NCOA3: variants seen among roughly 807,000 people sequenced by gnomAD.
NCOA3 encodes nuclear receptor coactivator 3.
A neutral mutation model predicts 158.8 loss-of-function variants in NCOA3; 51 were observed. The observed-to-expected ratio is 0.32, with a 90% CI of 0.26 to 0.41. NCOA3 has a LOEUF of 0.41. Among genes scored for constraint, NCOA3 ranks in the 10% least tolerant of loss-of-function variants. The probability of loss-of-function intolerance (pLI) is 1.00; values close to 1 mark genes in which losing one functional copy is unlikely to be tolerated. For synonymous variants in NCOA3, 537 were observed against 592.4 expected, an observed-to-expected ratio of 0.91 and a Z score of 1.36; for missense variants, 1,510 against 1,746.6, an observed-to-expected ratio of 0.86 and a Z score of 2.41.
rs551357693 is a variant in NCOA3 at position 47,599,600 on chromosome 20, A to G, written c.-20+16339A>G. ...TGTATGCAAAACTGCTAAGAACACT[A>G]TGATGTCATACAGAAATTTTATGGA... On this transcript the variant is annotated intron_variant, in intron 2 of 22. Transcript: ENST00000371998. Among the ~76,000 whole-genome samples the G allele has an allele frequency of 7.9e-5, 12 of 152,362 alleles. No individual in the cohort carries two copies. The South Asian group carries it at 8.3e-4, about 11-fold the overall frequency.
chr20:47,629,475 G>A (rs6012228), intron 8 of NCOA3, among the ~76,000 whole-genome samples: 18,861 of 151,788 alleles, frequency 0.12, 1,616 homozygotes, highest in African/African-American at 0.23. Context: ...AATTACAGGC[G>A]CCCATCACCA....
chr20:47,512,264 A>G (rs1180355445), intron 1 of NCOA3, among the ~76,000 whole-genome samples: 1 of 152,188 alleles, frequency 6.6e-6, no homozygotes, highest in Non-Finnish European at 1.5e-5. Flanking sequence ...GATAAAAACA[A>G]TCCAACTTAA....
chr20:47,570,939 T>TACACACACACACACACAC (rs71183265), intron 1 of NCOA3, among the ~76,000 whole-genome samples: 6 of 114,870 alleles, frequency 5.2e-5, no homozygotes, highest in African/African-American at 2.1e-4. Context: ...GTAATATATA[T>TACACACACACACACACAC]ACACACACAC....
chr20:47,532,999 G>A (rs886886303), intron 1 of NCOA3, among the ~76,000 whole-genome samples: 2 of 150,354 alleles, frequency 1.3e-5, no homozygotes, highest in Non-Finnish European at 1.5e-5. Flanking sequence ...CCAGCTACTC[G>A]GGAGGCTGAG....
intron 1 of NCOA3, among the ~76,000 whole-genome samples, chr20:47,527,951 T>A (rs182473575): frequency 6.6e-6 from 1 of 151,708 alleles, no homozygotes; most frequent in Non-Finnish European, 1.5e-5. Flanking sequence ...AAAATCAGGT[T>A]GCTTTTCTGT....
intron 1 of NCOA3, among the ~76,000 whole-genome samples, chr20:47,509,863 C>G (rs1343143230): frequency 2.0e-5 from 3 of 152,180 alleles, no homozygotes; most frequent in African/African-American, 7.2e-5. Context: ...CATCTATTTC[C>G]TTTTACTTGC....
chr20:47,566,182 C>T (rs1431280532), intron 1 of NCOA3, among the ~76,000 whole-genome samples: 1 of 152,108 alleles, frequency 6.6e-6, no homozygotes, highest in Non-Finnish European at 1.5e-5. Flanking sequence ...CTCGGCCTCC[C>T]AAAGTGCTAG....
chr20:47,519,995 C>G (rs1006723870), intron 1 of NCOA3, among the ~76,000 whole-genome samples: 1 of 138,926 alleles, frequency 7.2e-6, no homozygotes, highest in Non-Finnish European at 1.5e-5. Flanking sequence ...AACTCCTGAC[C>G]TTGTGATCCG....
intron 1 of NCOA3, among the ~76,000 whole-genome samples, chr20:47,575,465 G>A (rs1034408726): frequency 1.3e-5 from 2 of 152,052 alleles, no homozygotes; most frequent in Admixed American, 6.6e-5. Flanking sequence ...TTTTAATGTC[G>A]AATTAAGAAA....
chr20:47,609,004 C>G (rs983903719), intron 2 of NCOA3, among the ~76,000 whole-genome samples: 1 of 152,116 alleles, frequency 6.6e-6, no homozygotes, highest in Non-Finnish European at 1.5e-5. Context: ...AGAAACATAT[C>G]TACTATAGAG....
At chr20:47,527,874 A>G (rs2084481835) in intron 1 of NCOA3, among the ~76,000 whole-genome samples, 1 of 152,156 alleles carries the variant, frequency 6.6e-6, no homozygotes, top group African/African-American at 2.4e-5. Context: ...TCTTTGGTGA[A>G]GTGTCTGTTC....
In NCOA3 at chr20:47,639,053, A is replaced by C; in HGVS notation, c.2558A>C (p.Asn853Thr). Residue 853 changes from asparagine to threonine, a missense_variant, in exon 14 of 23, where the codon AAC becomes ACC. By Grantham distance (65) the Asn-to-Thr change is moderately conservative. Transcript: ENST00000371998. ...QSVQSIRPPYNRAVSLDSPVS... is the reference protein window; with the variant it reads ...QSVQSIRPPYTRAVSLDSPVS... The stretch of plus-strand genomic sequence containing the variant: ...GTGCAGTCTATTCGTCCTCCATATA[A>C]CCGAGCAGTGTCTCTGGATAGCCCT... 6.2e-7 allele frequency: 1 copy of C among 1,614,116 alleles called. No homozygotes were observed. Among genetic ancestry groups the C allele is most frequent in the Admixed American group, 1.7e-5 (1 of 60,016 alleles).
rs2086830765 is a variant in NCOA3, at chr20:47,653,514, A to G, written c.*97A>G. 1.4e-6 allele frequency: 2 copies of G among 1,407,726 alleles called. No individual in the cohort carries two copies. The highest frequency in any genetic ancestry group is 3.8e-5 in the Admixed American group (2 of 52,712). The allele number at this position is 1,407,726 out of a possible 1,614,324, so 87.2% of individuals were successfully genotyped here. On this transcript the variant is annotated 3_prime_UTR_variant, in exon 23 of 23. Coordinates refer to ENST00000371998, the MANE Select transcript of NCOA3 (RefSeq NM_181659.3). ...TCATTGTTCCAGGCATCCATCTTGG[A>G]AGAAAGGACCAGCTTTGAGCTCCAT...
chr20:47,550,554 A>T (rs562111472), intron 1 of NCOA3, among the ~76,000 whole-genome samples: 1 of 152,150 alleles, frequency 6.6e-6, no homozygotes, highest in African/African-American at 2.4e-5. Flanking sequence ...TTAACAAACG[A>T]CCTATTAGTT....
At chr20:47,572,463 G>A (rs1436917664) in intron 1 of NCOA3, among the ~76,000 whole-genome samples, 1 of 151,836 alleles carries the variant, frequency 6.6e-6, no homozygotes, top group Admixed American at 6.6e-5. Context: ...GCTGTTTGGT[G>A]CAAGAGTCCT....
At chr20:47,648,378 C>CA (rs1490262363) in intron 18 of NCOA3, among the ~76,000 whole-genome samples, 1 of 152,158 alleles carries the variant, frequency 6.6e-6, no homozygotes, top group Non-Finnish European at 1.5e-5. Context: ...TTCCTCTGAT[C>CA]AACTTAAAGG....
intron 1 of NCOA3, among the ~76,000 whole-genome samples, chr20:47,548,935 T>G (rs2084882947): frequency 6.6e-6 from 1 of 152,248 alleles, no homozygotes; most frequent in African/African-American, 2.4e-5. Flanking sequence ...ATTTTAAAAA[T>G]TAATAGTGAA....
Position 47,635,315 on chromosome 20 carries a change from T to G in NCOA3, c.1113-7T>G, listed in dbSNP as rs1212248249. ...TTTTTAGTAAAAGTTTGATGTTTGT[T>G]TTGCAGAGAACAGAATGGATATAGA... is the stretch of plus-strand genomic sequence containing the variant. On this transcript the variant is annotated splice_region_variant and splice_polypyrimidine_tract_variant and intron_variant, in intron 10 of 22. Coordinates refer to ENST00000371998, the MANE Select transcript of NCOA3 (RefSeq NM_181659.3). 6.4e-7 allele frequency: 1 copy of G among 1,558,030 alleles called. No individual in the cohort carries two copies. Among genetic ancestry groups the G allele is most frequent in the African/African-American group, 1.4e-5 (1 of 73,032 alleles).
At chr20:47,502,957 G>T (rs534051059) in intron 1 of NCOA3, among the ~76,000 whole-genome samples, 88 of 152,228 alleles carry the variant, frequency 5.8e-4, no homozygotes, top group African/African-American at 2.0e-3. Context: ...TTCTCTCGAA[G>T]TCGAAACTTT....
Sources: allele counts gnomAD v4.1 joint callset (sites outside exome capture counted in the v4.1 genomes callset), GRCh38; gene constraint gnomAD v4.1.1; transcripts MANE v1.5; gene names NCBI Gene and HGNC (gene_info 2026-07-23, HGNC 2026-07-21).